The following GRID1 variants were observed in gnomAD, a reference collection of about 807,000 sequenced individuals.
The protein encoded by GRID1 is glutamate receptor ionotropic, delta-1.
GRID1 carries 28 observed loss-of-function variants against 98.0 expected under a neutral mutation model. The ratio of observed to expected loss-of-function variants is 0.29; its 90% CI spans 0.21 to 0.39. GRID1 has a LOEUF of 0.39. Among genes scored for constraint, GRID1 ranks in the 10% least tolerant of loss-of-function variants. GRID1 has a pLI of 1.00. For missense variants in GRID1, 1,111 were observed against 1,340.5 expected, an observed-to-expected ratio of 0.83 and a Z score of 2.67; for synonymous variants, 553 against 538.5, an observed-to-expected ratio of 1.03 and a Z score of -0.37.
chr10:85,659,376 T>C lies in GRID1; in HGVS notation c.1998-11979A>G, dbSNP rs143900459. Among the ~76,000 whole-genome samples, 869 of 152,290 alleles carry C rather than the reference T, an allele frequency of 5.7e-3. 7 individuals are homozygous for C. Among genetic ancestry groups the C allele is most frequent in the African/African-American group, 0.02 (833 of 41,564 alleles). On this transcript the variant is annotated intron_variant, in intron 12 of 15. Transcript: ENST00000327946. ...AGAGGAGTGGTTGTGAGTTCCTCAG[T>C]GGTTGGATGGGGACCCCAAAGGAGG...
At chr10:86,097,055 C>T (rs190024478) in intron 4 of GRID1, among the ~76,000 whole-genome samples, 1 of 151,846 alleles carries the variant, frequency 6.6e-6, no homozygotes, top group Admixed American at 6.5e-5. Flanking sequence ...CTTTGGACTC[C>T]AGTACTTACC....
chr10:85,984,315 T>C (rs1277916602), intron 4 of GRID1, among the ~76,000 whole-genome samples: 1 of 152,102 alleles, frequency 6.6e-6, no homozygotes, highest in Non-Finnish European at 1.5e-5. Flanking sequence ...TCCTCTAGAC[T>C]CTCTCCAGAT....
chr10:85,877,081 G>A (rs1456874084), intron 5 of GRID1, among the ~76,000 whole-genome samples: 1 of 152,264 alleles, frequency 6.6e-6, no homozygotes, highest in Non-Finnish European at 1.5e-5. Flanking sequence ...GCCCAGGCTT[G>A]CTTAGGTAAA....
At chr10:85,681,168 A>G (rs879026658) in intron 12 of GRID1, among the ~76,000 whole-genome samples, 1 of 152,064 alleles carries the variant, frequency 6.6e-6, no homozygotes, top group Admixed American at 6.6e-5. Flanking sequence ...CTAATCTCGT[A>G]TTGCAGGCCC....
chr10:85,974,143 C>T (rs1459986494), intron 4 of GRID1, among the ~76,000 whole-genome samples: 1 of 152,212 alleles, frequency 6.6e-6, no homozygotes, highest in Non-Finnish European at 1.5e-5. Context: ...TGCATGCTCA[C>T]TTTTGCCAGC....
Position 86,235,945 on chromosome 10 carries a change from G to T in GRID1, c.236-29297C>A, listed in dbSNP as rs1589421348. Among the ~76,000 whole-genome samples, 6 of 152,336 alleles carry T rather than the reference G, an allele frequency of 3.9e-5. No homozygotes were observed. The Middle Eastern group carries it at 0.02, about 518-fold the overall frequency. ...TGCTAAATGATATGGTGAAGTATAT[G>T]TGTTTATCTTTTTAATAAGCTGTCA... On this transcript the variant is annotated intron_variant, in intron 2 of 15. Transcript: ENST00000327946.
intron 5 of GRID1, among the ~76,000 whole-genome samples, chr10:85,877,200 C>G (rs1453750868): frequency 5.3e-5 from 8 of 152,244 alleles, no homozygotes; most frequent in Non-Finnish European, 8.8e-5. Context: ...AACAAAAACA[C>G]AGCAGTAACC....
intron 8 of GRID1, among the ~76,000 whole-genome samples, chr10:85,812,865 T>C (rs893492914): frequency 4.6e-5 from 7 of 151,828 alleles, no homozygotes; most frequent in Non-Finnish European, 5.9e-5. Context: ...TATATATATA[T>C]ACACACACAT....
intron 2 of GRID1, among the ~76,000 whole-genome samples, chr10:86,286,427 T>C (rs1424249548): frequency 6.6e-6 from 1 of 152,084 alleles, no homozygotes; most frequent in Non-Finnish European, 1.5e-5. Flanking sequence ...ATTCCACACT[T>C]GGGCATCTTT....
intron 2 of GRID1, among the ~76,000 whole-genome samples, chr10:86,218,659 T>C (rs1176966564): frequency 2.6e-5 from 4 of 152,212 alleles, no homozygotes; most frequent in Non-Finnish European, 5.9e-5. Flanking sequence ...CCTATCTACC[T>C]GGTGAATCCT....
At chr10:85,854,292 C>T (rs1251265698) in intron 8 of GRID1, among the ~76,000 whole-genome samples, 1 of 152,208 alleles carries the variant, frequency 6.6e-6, no homozygotes, top group African/African-American at 2.4e-5. Context: ...CCATTAGAGG[C>T]AATTTCTGTT....
At chr10:85,746,908 A>T (rs1057177863) in intron 8 of GRID1, among the ~76,000 whole-genome samples, 13 of 152,188 alleles carry the variant, frequency 8.5e-5, no homozygotes, top group African/African-American at 3.1e-4. Context: ...ACAGTTTCTC[A>T]TGCATTTGCC....
At chr10:85,623,729 C>T (rs10509523) in intron 13 of GRID1, among the ~76,000 whole-genome samples, 26,216 of 152,182 alleles carry the variant, frequency 0.17, 2,721 homozygotes, top group African/African-American at 0.28. Flanking sequence ...CTAGTTCTAT[C>T]AGGAAAGCAT....
intron 4 of GRID1, among the ~76,000 whole-genome samples, chr10:86,002,296 T>C (rs578127017): frequency 3.3e-5 from 5 of 152,336 alleles, no homozygotes; most frequent in Admixed American, 2.0e-4. Flanking sequence ...ATTTGCTTAA[T>C]GTACTAATAG....
intron 12 of GRID1, among the ~76,000 whole-genome samples, chr10:85,708,134 C>T (rs1381237803): frequency 1.5e-5 from 1 of 68,564 alleles, no homozygotes; most frequent in East Asian, 4.2e-4. Flanking sequence ...AAAAAAAACA[C>T]AAGATTAGCC....
intron 4 of GRID1, among the ~76,000 whole-genome samples, chr10:86,113,602 T>TA (rs1329792525): frequency 6.6e-6 from 1 of 152,132 alleles, no homozygotes; most frequent in Admixed American, 6.5e-5. Context: ...CTCTCTCACA[T>TA]AAAATGCAAG....
rs1164997759 is a variant in GRID1, at chr10:85,727,960, C to T, written c.1428G>A (p.Lys476=). The change falls in exon 10 of 16, where the codon AAG becomes AAA. Residue 476 remains lysine (K), a synonymous_variant. Coordinates refer to ENST00000327946, the MANE Select transcript of GRID1 (RefSeq NM_017551.3). ...FSIDVLDALA[K]ALGFKYEIYQ... ...AAATCTCATATTTAAAGCCCAGAGCCTTGGCCAGTGCATCCAGGACATCTA... is the reference window on the plus strand; with the variant it reads ...AAATCTCATATTTAAAGCCCAGAGCTTTGGCCAGTGCATCCAGGACATCTA... The T allele has an allele frequency of 6.2e-7, 1 of 1,613,876 alleles. No homozygotes were observed. The highest frequency in any genetic ancestry group is 1.1e-5 in the South Asian group (1 of 91,076).
intron 4 of GRID1, among the ~76,000 whole-genome samples, chr10:85,976,766 T>C (rs763029426): frequency 3.9e-5 from 6 of 152,232 alleles, no homozygotes; most frequent in Non-Finnish European, 7.3e-5. Flanking sequence ...TGTTTCCCTC[T>C]GTGTATGCTC....
chr10:85,718,995 T>C (rs972753883), intron 12 of GRID1, among the ~76,000 whole-genome samples: 27 of 152,184 alleles, frequency 1.8e-4, no homozygotes, highest in African/African-American at 5.5e-4. Flanking sequence ...CTTGAATGCT[T>C]TGCTGCTTAG....
Sources: allele counts gnomAD v4.1 joint callset (sites outside exome capture counted in the v4.1 genomes callset), GRCh38; gene constraint gnomAD v4.1.1; transcripts MANE v1.5; gene names NCBI Gene and HGNC (gene_info 2026-07-23, HGNC 2026-07-21).